SLC2A13: variants seen among roughly 807,000 people sequenced by gnomAD.
The protein encoded by SLC2A13 is solute carrier family 2 member 13, also known as proton myo-inositol cotransporter.
Under a neutral mutation model 64.4 loss-of-function variants are expected in SLC2A13, and 32 were observed. That is an observed-to-expected ratio of 0.50 (90% CI 0.37 to 0.67). The LOEUF (loss-of-function observed/expected upper bound fraction) is 0.67. SLC2A13 is among the 30% of genes least tolerant of loss of function. SLC2A13 has a pLI of 0.00. For missense variants in SLC2A13, 743 were observed against 829.2 expected (o/e 0.90, Z 1.28); for synonymous variants, 338 against 327.1 (o/e 1.03, Z -0.36).
chr12:40,042,642 C>T (rs1458918654), intron 2 of SLC2A13, among the ~76,000 whole-genome samples: 2 of 151,838 alleles, frequency 1.3e-5, no homozygotes, highest in Non-Finnish European at 2.9e-5. Context: ...TCCCTAGAGC[C>T]CAGTGAATTT....
At chr12:39,764,899 G>T (rs528006529) in intron 7 of SLC2A13, 41 bp from the exon 8 acceptor site, 4 of 1,590,606 alleles carry the variant, frequency 2.5e-6, no homozygotes, top group South Asian at 2.3e-5. Flanking sequence ...TAATGTTTTT[G>T]ACTACAGTTG....
At chr12:40,084,483 G>C (rs934785428) in intron 1 of SLC2A13, among the ~76,000 whole-genome samples, 1 of 152,020 alleles carries the variant, frequency 6.6e-6, no homozygotes, top group Non-Finnish European at 1.5e-5. Flanking sequence ...GCTTACTCAC[G>C]GGGCTGGCTC....
At chr12:39,865,827 A>G (rs995501054) in intron 5 of SLC2A13, among the ~76,000 whole-genome samples, 2 of 152,200 alleles carry the variant, frequency 1.3e-5, no homozygotes, top group African/African-American at 4.8e-5. Flanking sequence ...GCTGCATGAT[A>G]AAAACACACG....
intron 3 of SLC2A13, among the ~76,000 whole-genome samples, chr12:39,973,723 G>A (rs1003149533): frequency 1.3e-5 from 2 of 152,184 alleles, no homozygotes; most frequent in Non-Finnish European, 2.9e-5. Context: ...ACACCTGTCT[G>A]TTAAATCTAA....
chr12:40,102,563 G>A (rs894056497), intron 1 of SLC2A13, among the ~76,000 whole-genome samples: 1 of 152,146 alleles, frequency 6.6e-6, no homozygotes, highest in South Asian at 2.1e-4. Flanking sequence ...ACAGGTAAAC[G>A]TGTGGAGGAA....
chr12:39,821,852 A>G (rs1303473995), intron 7 of SLC2A13, among the ~76,000 whole-genome samples: 1 of 152,206 alleles, frequency 6.6e-6, no homozygotes, highest in Non-Finnish European at 1.5e-5. Flanking sequence ...TTGAACAATA[A>G]TACAATCGAT....
At chr12:39,883,198 C>A (rs1257257467) in intron 4 of SLC2A13, among the ~76,000 whole-genome samples, 1 of 151,866 alleles carries the variant, frequency 6.6e-6, no homozygotes, top group Non-Finnish European at 1.5e-5. Flanking sequence ...TCAAACAATC[C>A]AAAGGATTAA....
chr12:39,877,287 G>A (rs1361044072), intron 4 of SLC2A13, among the ~76,000 whole-genome samples: 1 of 152,130 alleles, frequency 6.6e-6, no homozygotes, highest in Admixed American at 6.5e-5. Context: ...GGAGAGCAAA[G>A]GTATGTCTTA....
At chr12:39,809,276 C>G (rs923774146) in intron 7 of SLC2A13, among the ~76,000 whole-genome samples, 4 of 152,126 alleles carry the variant, frequency 2.6e-5, no homozygotes, top group African/African-American at 9.7e-5. Context: ...ATGTTTATGT[C>G]TATTTTACCA....
rs180728702 is a variant in SLC2A13 at position 40,077,736 on chromosome 12, G to A, written c.556+27517C>T. Among the ~76,000 whole-genome samples, 114 of 152,150 alleles carry A rather than the reference G, an allele frequency of 7.5e-4. 5 individuals carry two copies. In the East Asian group the frequency reaches 0.012, roughly 15 times the overall value. On this transcript the variant is annotated intron_variant, in intron 1 of 9. Transcript: ENST00000280871. Reference sequence around the variant, plus strand: ...AAATAGCATTGAATCTGTAAACTGAGTTGGACATATGGCCATTTAAACAAT... The same window carrying A: ...AAATAGCATTGAATCTGTAAACTGAATTGGACATATGGCCATTTAAACAAT...
intron 1 of SLC2A13, among the ~76,000 whole-genome samples, chr12:40,073,555 T>C (rs1938047625): frequency 1.3e-5 from 2 of 152,156 alleles, no homozygotes; most frequent in Non-Finnish European, 2.9e-5. Context: ...TATCATTTTT[T>C]ACATTTCTTG....
chr12:40,003,263 T>C (rs547820399), intron 3 of SLC2A13, among the ~76,000 whole-genome samples: 11 of 152,208 alleles, frequency 7.2e-5, no homozygotes, highest in Non-Finnish European at 1.5e-4. Flanking sequence ...AACTTCCACT[T>C]CAAAAAGAAT....
chr12:40,054,077 C>A (rs978824788), intron 1 of SLC2A13, among the ~76,000 whole-genome samples: 4 of 152,058 alleles, frequency 2.6e-5, no homozygotes, highest in Non-Finnish European at 5.9e-5. Context: ...TGTAATTCAG[C>A]CCTTGATTTA....
chr12:39,785,833 C>T (rs935725729), intron 7 of SLC2A13, among the ~76,000 whole-genome samples: 3 of 152,178 alleles, frequency 2.0e-5, no homozygotes, highest in African/African-American at 4.8e-5. Context: ...TTAGACTGCC[C>T]TGCTGGATTT....
At chr12:39,929,857 G>A (rs1945793865) in intron 4 of SLC2A13, among the ~76,000 whole-genome samples, 2 of 152,170 alleles carry the variant, frequency 1.3e-5, no homozygotes, top group Non-Finnish European at 2.9e-5. Context: ...TGGGCTGGGT[G>A]TGGTGGCTCA....
intron 7 of SLC2A13, among the ~76,000 whole-genome samples, chr12:39,784,456 C>T (rs564682121): frequency 2.9e-4 from 44 of 152,214 alleles, no homozygotes; most frequent in African/African-American, 8.9e-4. Context: ...ACAAACCTGA[C>T]GAAAGCAAGA....
chr12:39,812,770 C>A (rs561423168), intron 7 of SLC2A13, among the ~76,000 whole-genome samples: 1 of 148,432 alleles, frequency 6.7e-6, no homozygotes, highest in Non-Finnish European at 1.5e-5. Context: ...TTGCACCTGG[C>A]GGTTTCTAAT....
chr12:39,848,925 A>G (rs1224265059), intron 6 of SLC2A13, among the ~76,000 whole-genome samples: 2 of 152,190 alleles, frequency 1.3e-5, no homozygotes, highest in African/African-American at 2.4e-5. Context: ...ACAGGAACAG[A>G]AAACCAAATA....
chr12:39,890,141 G>T (rs986670095), intron 4 of SLC2A13, among the ~76,000 whole-genome samples: 1 of 151,652 alleles, frequency 6.6e-6, no homozygotes, highest in Non-Finnish European at 1.5e-5. Flanking sequence ...CAATTACTAG[G>T]TATATATTAA....
Sources: gnomAD v4.1 joint callset for allele counts (sites outside exome capture counted in the v4.1 genomes callset) on GRCh38, gnomAD v4.1.1 for gene constraint, MANE v1.5 for transcripts, NCBI Gene and HGNC (gene_info 2026-07-23, HGNC 2026-07-21) for gene names.